The following FAT3 variants were observed in gnomAD, a reference collection of about 807,000 sequenced individuals.
The protein encoded by FAT3 is FAT atypical cadherin 3, also known as protocadherin Fat 3.
Under a neutral mutation model 310.2 loss-of-function variants are expected in FAT3, and 95 were observed. The observed-to-expected ratio is 0.31, with a 90% CI of 0.26 to 0.36. FAT3 has a LOEUF of 0.36. Ranked by LOEUF, FAT3 falls within the 10% of genes least tolerant of loss-of-function variation. FAT3 has a pLI of 1.00. For missense variants in FAT3, 5,408 were observed against 5,715.6 expected, an observed-to-expected ratio of 0.95 and a Z score of 1.74; for synonymous variants, 2,314 against 2,192.9, an observed-to-expected ratio of 1.06 and a Z score of -1.54.
At chr11:92,542,147 G>A (rs1014933625) in intron 3 of FAT3, among the ~76,000 whole-genome samples, 27 of 152,166 alleles carry the variant, frequency 1.8e-4, no homozygotes, top group African/African-American at 6.3e-4. Context: ...GCAAAAGAAT[G>A]AAGCTAGACC....
rs145165671 is a variant in FAT3, at chr11:92,695,717, C to A, written c.3608-1667C>A. On this transcript the variant is annotated intron_variant, in intron 3 of 27. Coordinates refer to ENST00000525166, the MANE Select transcript of FAT3 (RefSeq NM_001367949.2). ...TAGGTAGGCATCAGAGTTTCCGAATCAAAAGACAGGCCCATCCCATGAAGT... is the reference window on the plus strand; with the variant it reads ...TAGGTAGGCATCAGAGTTTCCGAATAAAAAGACAGGCCCATCCCATGAAGT... Among the ~76,000 whole-genome samples, 34 of 152,256 alleles carry A rather than the reference C, an allele frequency of 2.2e-4. No individual in the cohort carries two copies. In the East Asian group the frequency reaches 6.6e-3, roughly 29 times the overall value.
At chr11:92,663,790 C>T (rs2135802045) in intron 3 of FAT3, among the ~76,000 whole-genome samples, 2 of 152,264 alleles carry the variant, frequency 1.3e-5, no homozygotes, top group South Asian at 4.1e-4. Context: ...CCACACCAGC[C>T]AATTCCATTC....
chr11:92,519,567 A>T (rs1466350584), intron 2 of FAT3, among the ~76,000 whole-genome samples: 1 of 152,094 alleles, frequency 6.6e-6, no homozygotes, highest in African/African-American at 2.4e-5. Context: ...TTCAAACATT[A>T]CTATTATAAG....
intron 1 of FAT3, among the ~76,000 whole-genome samples, chr11:92,252,903 C>T (rs975141317): frequency 6.6e-6 from 1 of 152,110 alleles, no homozygotes; most frequent in Non-Finnish European, 1.5e-5. Context: ...GAAAAGGCAT[C>T]TCTTCATCAG....
chr11:92,268,721 G>A lies in FAT3; in HGVS notation c.-18+43547G>A, dbSNP rs555213262. On this transcript the variant is annotated intron_variant, in intron 1 of 27. Coordinates refer to ENST00000525166, the MANE Select transcript of FAT3 (RefSeq NM_001367949.2). The stretch of plus-strand genomic sequence containing the variant: ...ATTAATGTTTTACATATTTCCCCAG[G>A]CATTCATGGAGATTGACTAAAATAT... Among the ~76,000 whole-genome samples, 156 of 152,122 alleles carry A rather than the reference G, an allele frequency of 1.0e-3. 1 individual carries two copies. The South Asian group carries it at 0.024, about 23-fold the overall frequency.
chr11:92,366,915 T>A (rs1366630883), intron 2 of FAT3: 7 of 532,622 alleles, frequency 1.3e-5, no homozygotes, highest in Non-Finnish European at 2.6e-5. Flanking sequence ...CTCCAGATCT[T>A]TACCTGGGCC....
intron 3 of FAT3, among the ~76,000 whole-genome samples, chr11:92,575,996 C>A (rs1279909187): frequency 2.0e-5 from 3 of 152,252 alleles, no homozygotes; most frequent in East Asian, 3.9e-4. Context: ...TAATAATTAG[C>A]TGTCATATAA....
intron 3 of FAT3, among the ~76,000 whole-genome samples, chr11:92,594,711 C>G (rs529905087): frequency 6.6e-6 from 1 of 152,036 alleles, no homozygotes; most frequent in Non-Finnish European, 1.5e-5. Flanking sequence ...ATTAATTATT[C>G]GTAACTCGGA....
At chr11:92,296,734 A>G (rs773738715) in intron 1 of FAT3, among the ~76,000 whole-genome samples, 2 of 152,110 alleles carry the variant, frequency 1.3e-5, no homozygotes, top group African/African-American at 4.8e-5. Context: ...TGCCTTTTCT[A>G]TCTCATCCAT....
chr11:92,465,814 TA>T, intron 2 of FAT3, among the ~76,000 whole-genome samples: 1 of 152,054 alleles, frequency 6.6e-6, no homozygotes, highest in South Asian at 2.1e-4. Context: ...TATACATATG[TA>T]ACAAACCTGC....
rs367912052 is a variant in FAT3 at position 92,304,780 on chromosome 11, C to T, written c.-17-47316C>T. On this transcript the variant is annotated intron_variant, in intron 1 of 27. Coordinates refer to ENST00000525166, the MANE Select transcript of FAT3 (RefSeq NM_001367949.2). ...CACAAATGAAGCACAGGCATGGGGT[C>T]CAAGAATAAATGGGGAGCTGGTGGT... 2.6e-5 allele frequency among the ~76,000 whole-genome samples: 4 copies of T among 152,022 alleles called. No homozygotes were observed. In the East Asian group the frequency reaches 7.8e-4, roughly 29 times the overall value.
At chr11:92,879,894 T>C (rs1949633329) in intron 22 of FAT3, among the ~76,000 whole-genome samples, 1 of 152,122 alleles carries the variant, frequency 6.6e-6, no homozygotes, top group Non-Finnish European at 1.5e-5. Flanking sequence ...ATAAAACTTG[T>C]AGAACTGCCT....
At chr11:92,629,378 C>G (rs950380066) in intron 3 of FAT3, among the ~76,000 whole-genome samples, 8 of 150,192 alleles carry the variant, frequency 5.3e-5, no homozygotes, top group African/African-American at 1.7e-4. Context: ...TCTGCCTCTT[C>G]TCTGTTGGCA....
At chr11:92,529,791 G>C (rs1450998411) in intron 3 of FAT3, among the ~76,000 whole-genome samples, 2 of 152,182 alleles carry the variant, frequency 1.3e-5, no homozygotes, top group African/African-American at 4.8e-5. Context: ...TATTTCTGCA[G>C]TTGCTCTGTC....
At chr11:92,473,215 A>T (rs1246032038) in intron 2 of FAT3, among the ~76,000 whole-genome samples, 1 of 152,064 alleles carries the variant, frequency 6.6e-6, no homozygotes, top group Non-Finnish European at 1.5e-5. Context: ...TATGTTCTTC[A>T]TGTTTGTATA....
intron 2 of FAT3, among the ~76,000 whole-genome samples, chr11:92,449,025 C>T (rs1951287676): frequency 6.6e-6 from 1 of 152,048 alleles, no homozygotes; most frequent in Non-Finnish European, 1.5e-5. Context: ...CCGATTCAGC[C>T]AACATTTAGT....
chr11:92,751,223 G>T (rs2136053815), intron 4 of FAT3, among the ~76,000 whole-genome samples: 1 of 152,304 alleles, frequency 6.6e-6, no homozygotes, highest in South Asian at 2.1e-4. Context: ...AAAGCAGATT[G>T]GATCCTACTA....
At chr11:92,292,968 G>A (rs1054464454) in intron 1 of FAT3, among the ~76,000 whole-genome samples, 16 of 151,192 alleles carry the variant, frequency 1.1e-4, no homozygotes, top group Admixed American at 1.1e-3. Context: ...GACAATGATT[G>A]CACTTGTGAA....
At position 92,354,309 on chromosome 11, in the gene FAT3, G is replaced by A; in HGVS notation, c.2197G>A (p.Val733Met). Residue 733 changes from valine (V) to methionine (M), a missense_variant, in exon 2 of 28, where the codon GTG becomes ATG. Val to Met is a conservative substitution (Grantham distance 21). Around this residue, in one of 5 missense-constraint regions of FAT3, gnomAD observed 4,588 missense variants for 4,809.8 expected, o/e 0.95. Transcript: ENST00000525166. ...PYFDKSFPSDVAVKEDLPVGA... is the reference protein window; with the variant it reads ...PYFDKSFPSDMAVKEDLPVGA... ...TTTTGACAAGTCTTTTCCTTCTGATGTGGCTGTAAAGGAGGATCTGCCAGT... is the reference window on the plus strand; with the variant it reads ...TTTTGACAAGTCTTTTCCTTCTGATATGGCTGTAAAGGAGGATCTGCCAGT... 3 of 1,613,754 alleles carry A rather than the reference G, an allele frequency of 1.9e-6. No homozygotes were observed. The highest frequency in any genetic ancestry group is 2.2e-5 in the South Asian group (2 of 91,080).
Sources: allele counts gnomAD v4.1 joint callset (sites outside exome capture counted in the v4.1 genomes callset), GRCh38; gene constraint gnomAD v4.1.1; regional missense constraint gnomAD v4.1.1; transcripts MANE v1.5; gene names NCBI Gene and HGNC (gene_info 2026-07-23, HGNC 2026-07-21).